DPH6: variants seen among roughly 807,000 people sequenced by gnomAD.
The protein encoded by DPH6 is diphthine--ammonia ligase.
DPH6 carries 33 observed loss-of-function variants against 38.2 expected under a neutral mutation model. The ratio of observed to expected loss-of-function variants is 0.86; its 90% CI spans 0.65 to 1.15. The LOEUF is 1.15. DPH6 is among the 50% of genes most tolerant of loss of function. The probability of loss-of-function intolerance (pLI) is 0.00; values close to 1 mark genes in which losing one functional copy is unlikely to be tolerated. For missense variants in DPH6, 325 were observed against 320.0 expected, an observed-to-expected ratio of 1.02 and a Z score of -0.12; for synonymous variants, 108 against 103.0, an observed-to-expected ratio of 1.05 and a Z score of -0.30.
chr15:35,480,714 T>G (rs1043361423), intron 3 of DPH6, among the ~76,000 whole-genome samples: 1 of 151,908 alleles, frequency 6.6e-6, no homozygotes, highest in African/African-American at 2.4e-5. Context: ...ATAATTAAGG[T>G]TGGATATATA....
At chr15:35,530,322 A>G (rs1370115955) in intron 3 of DPH6, among the ~76,000 whole-genome samples, 1 of 152,152 alleles carries the variant, frequency 6.6e-6, no homozygotes, top group African/African-American at 2.4e-5. Context: ...ACAAAAACAA[A>G]CAAACAAAAA....
At chr15:35,180,580 C>T in the DPH6 span, among the ~76,000 whole-genome samples, 1 of 152,190 alleles carries the variant, frequency 6.6e-6, no homozygotes, top group Admixed American at 6.5e-5. Context: ...CCCACGTCAG[C>T]CTCCCAAGTG....
At chr15:35,307,536 G>A (rs899782997) in intron 3 of DPH6, among the ~76,000 whole-genome samples, 3 of 152,030 alleles carry the variant, frequency 2.0e-5, no homozygotes, top group African/African-American at 4.8e-5. Context: ...AAAGGATATC[G>A]TTGGGTTAAC....
At chr15:35,542,549 A>T (rs1042973632) in intron 1 of DPH6, 42 bp from the exon 2 acceptor site, 5 of 1,483,364 alleles carry the variant, frequency 3.4e-6, no homozygotes, top group Non-Finnish European at 4.6e-6. Context: ...CATGCTACTG[A>T]CCATTATTCA....
At chr15:35,421,782 A>G (rs995225312) in intron 5 of DPH6, among the ~76,000 whole-genome samples, 1 of 152,118 alleles carries the variant, frequency 6.6e-6, no homozygotes, top group Non-Finnish European at 1.5e-5. Context: ...AAGGTCACAA[A>G]GAACACTGAG....
intron 3 of DPH6, among the ~76,000 whole-genome samples, chr15:35,301,009 G>A (rs554045333): frequency 6.6e-6 from 1 of 152,260 alleles, no homozygotes; most frequent in East Asian, 1.9e-4. Flanking sequence ...TGAGTTATCT[G>A]AGATTATTTC....
At chr15:35,216,006 A>G (rs1280588263), downstream of DPH6, among the ~76,000 whole-genome samples, 1 of 152,204 alleles carries the variant, frequency 6.6e-6, no homozygotes, top group African/African-American at 2.4e-5. Flanking sequence ...TTGGATATGA[A>G]AGTTTCTGTA....
the DPH6 span, among the ~76,000 whole-genome samples, chr15:35,163,766 T>C: frequency 6.6e-6 from 1 of 151,848 alleles, no homozygotes. Context: ...CTAGGACAAA[T>C]GCTCAGAGCA....
At chr15:35,442,135 T>C (rs1312876677) in intron 5 of DPH6, among the ~76,000 whole-genome samples, 1 of 151,574 alleles carries the variant, frequency 6.6e-6, no homozygotes, top group Admixed American at 6.6e-5. Context: ...AATCACACAT[T>C]TGATAAGAGA....
intron 3 of DPH6, among the ~76,000 whole-genome samples, chr15:35,360,063 T>C (rs74766407): frequency 3.3e-5 from 5 of 152,236 alleles, no homozygotes; most frequent in African/African-American, 4.8e-5. Flanking sequence ...CCTTTGGTTA[T>C]GTTTGCTTGA....
chr15:35,531,873 C>T (rs555720824), intron 3 of DPH6, among the ~76,000 whole-genome samples: 1 of 152,146 alleles, frequency 6.6e-6, no homozygotes, highest in South Asian at 2.1e-4. Flanking sequence ...AGGACAGATA[C>T]AAAAATGAAC....
intron 3 of DPH6, among the ~76,000 whole-genome samples, chr15:35,273,156 T>G (rs1199520824): frequency 1.3e-5 from 2 of 152,056 alleles, no homozygotes; most frequent in Admixed American, 6.6e-5. Flanking sequence ...AAAAAAAAAT[T>G]TAATTTCCAT....
intron 5 of DPH6, among the ~76,000 whole-genome samples, chr15:35,415,248 C>CTGTG (rs139342124): frequency 6.6e-6 from 1 of 150,462 alleles, no homozygotes; most frequent in East Asian, 1.9e-4. Context: ...TTCCCTCTAA[C>CTGTG]TGTGTGTGTG....
chr15:35,199,316 T>C, the DPH6 span, among the ~76,000 whole-genome samples: 21 of 152,312 alleles, frequency 1.4e-4, no homozygotes, highest in South Asian at 4.1e-4. Flanking sequence ...ATTTCAGTTA[T>C]AAAATAATTG....
intron 3 of DPH6, among the ~76,000 whole-genome samples, chr15:35,333,394 T>A (rs1309382690): frequency 6.6e-6 from 1 of 152,054 alleles, no homozygotes; most frequent in Non-Finnish European, 1.5e-5. Context: ...CATATAGCTA[T>A]TATAGGAAGA....
At chr15:35,180,030 G>C in the DPH6 span, among the ~76,000 whole-genome samples, 1 of 152,116 alleles carries the variant, frequency 6.6e-6, no homozygotes, top group Non-Finnish European at 1.5e-5. Context: ...AAAAAGCAAG[G>C]CTCTCTCTGG....
chr15:35,352,230 T>C (rs1463267705), intron 3 of DPH6, among the ~76,000 whole-genome samples: 2 of 152,316 alleles, frequency 1.3e-5, no homozygotes, highest in East Asian at 3.9e-4. Context: ...GCTTTTTTTT[T>C]GTTTCAACTT....
At chr15:35,421,115 C>T (rs1186714599) in intron 5 of DPH6, among the ~76,000 whole-genome samples, 1 of 152,096 alleles carries the variant, frequency 6.6e-6, no homozygotes, top group Non-Finnish European at 1.5e-5. Flanking sequence ...TCTGAACAGA[C>T]CAAGAATAAC....
At chr15:35,461,692 A>C (rs2054068786) in intron 3 of DPH6, among the ~76,000 whole-genome samples, 1 of 152,076 alleles carries the variant, frequency 6.6e-6, no homozygotes, top group Non-Finnish European at 1.5e-5. Context: ...TGGAGAATGA[A>C]GGAAGGGGGT....
Sources: allele counts gnomAD v4.1 joint callset (sites outside exome capture counted in the v4.1 genomes callset), GRCh38; gene constraint gnomAD v4.1.1; transcripts MANE v1.5; gene names NCBI Gene and HGNC (gene_info 2026-07-23, HGNC 2026-07-21).